The following ARID2 variants were observed in gnomAD, a reference collection of about 807,000 sequenced individuals.
The protein encoded by ARID2 is AT-rich interaction domain 2.
Under a neutral mutation model 184.6 loss-of-function variants are expected in ARID2, and 32 were observed. The ratio of observed to expected loss-of-function variants is 0.17; its 90% confidence interval spans 0.13 to 0.23. The LOEUF is 0.23. Ranked by LOEUF, ARID2 falls within the 10% of genes least tolerant of loss-of-function variation. ARID2 has a pLI of 1.00. For synonymous variants in ARID2, 836 were observed against 772.6 expected, an observed-to-expected ratio of 1.08 and a Z score of -1.36; for missense variants, 1,696 against 2,197.6, an observed-to-expected ratio of 0.77 and a Z score of 4.56.
intron 17 of ARID2, 22 bp downstream of exon 17, chr12:45,891,940 T>G (rs772283993): frequency 6.2e-7 from 1 of 1,614,006 alleles, no homozygotes; most frequent in Admixed American, 1.7e-5. Context: ...AAATACTATT[T>G]GATCAGTAAC....
chr12:45,848,690 T>A, intron 12 of ARID2, 146 bp from the exon 13 acceptor site: 1 of 529,572 alleles, frequency 1.9e-6, no homozygotes, highest in East Asian at 3.3e-5. Context: ...AGCATATATT[T>A]TTGCTACTAA....
At chr12:45,899,298 G>C (rs1447210554) in intron 20 of ARID2, among the ~76,000 whole-genome samples, 1 of 110,638 alleles carries the variant, frequency 9.0e-6, no homozygotes, top group Non-Finnish European at 1.9e-5. Flanking sequence ...AAAAAAAAAA[G>C]TAAGTGCTAC....
chr12:45,765,992 A>C (rs1245519554), intron 3 of ARID2, among the ~76,000 whole-genome samples: 1 of 152,186 alleles, frequency 6.6e-6, no homozygotes, highest in Non-Finnish European at 1.5e-5. Flanking sequence ...TTCATATAGC[A>C]AAGTTCATTT....
intron 16 of ARID2, 119 bp from the exon 17 acceptor site, chr12:45,891,661 A>AC: frequency 9.1e-7 from 1 of 1,097,820 alleles, no homozygotes; most frequent in Non-Finnish European, 1.3e-6. Context: ...AAAACAATTT[A>AC]CCAAAAGTGT....
At chr12:45,764,720 C>CTGT (rs1222196650) in intron 3 of ARID2, among the ~76,000 whole-genome samples, 2 of 152,130 alleles carry the variant, frequency 1.3e-5, no homozygotes, top group Middle Eastern at 3.2e-3. Flanking sequence ...AAGTAGTGTT[C>CTGT]TGTTGTGTGG....
intron 3 of ARID2, among the ~76,000 whole-genome samples, chr12:45,801,802 G>A (rs566039584): frequency 1.0e-3 from 153 of 152,080 alleles, no homozygotes; most frequent in African/African-American, 3.5e-3. Context: ...GGGGGTGGGG[G>A]ACAGAGAGAG....
chr12:45,869,095 C>T (rs1943876646), intron 16 of ARID2, among the ~76,000 whole-genome samples: 1 of 151,906 alleles, frequency 6.6e-6, no homozygotes, highest in Non-Finnish European at 1.5e-5. Context: ...TGTTGGCTCA[C>T]TGTAACCTTC....
At chr12:45,777,524 G>C (rs1942007748) in intron 3 of ARID2, among the ~76,000 whole-genome samples, 1 of 151,950 alleles carries the variant, frequency 6.6e-6, no homozygotes, top group Non-Finnish European at 1.5e-5. Flanking sequence ...TGCACAAGCA[G>C]TACATTAATA....
Position 45,786,280 on chromosome 12 carries a change from A to T in ARID2, c.285-25138A>T, listed in dbSNP as rs138948720. ...TCTAGCCCAATGTTAAGAATCCTTA[A>T]GAAAACTACATAGAACAGAAAGGGT... On this transcript the variant is annotated intron_variant, in intron 3 of 20. Transcript: ENST00000334344. 2.0e-5 allele frequency among the ~76,000 whole-genome samples: 3 copies of T among 152,350 alleles called. No individual in the cohort carries two copies. The East Asian group carries it at 5.8e-4, about 29-fold the overall frequency.
chr12:45,807,959 A>G (rs1417175164), intron 3 of ARID2, among the ~76,000 whole-genome samples: 1 of 152,080 alleles, frequency 6.6e-6, no homozygotes, highest in Non-Finnish European at 1.5e-5. Context: ...CCCCCATTAT[A>G]TTGGTCACAT....
At chr12:45,863,366 G>A (rs1943781528) in intron 16 of ARID2, among the ~76,000 whole-genome samples, 1 of 152,174 alleles carries the variant, frequency 6.6e-6, no homozygotes, top group Non-Finnish European at 1.5e-5. Flanking sequence ...ACATATATAT[G>A]ATAGCCATTG....
chr12:45,846,501 G>A (rs1309421684), intron 11 of ARID2, among the ~76,000 whole-genome samples: 1 of 152,064 alleles, frequency 6.6e-6, no homozygotes, highest in Non-Finnish European at 1.5e-5. Context: ...TTTCTTATCT[G>A]TACCTACCTC....
chr12:45,823,064 G>A (rs953714285), intron 6 of ARID2, among the ~76,000 whole-genome samples: 2 of 151,854 alleles, frequency 1.3e-5, no homozygotes, highest in African/African-American at 2.4e-5. Flanking sequence ...AGACCATATC[G>A]TATGCCACAA....
At chr12:45,770,388 G>C (rs948910688) in intron 3 of ARID2, among the ~76,000 whole-genome samples, 6 of 152,190 alleles carry the variant, frequency 3.9e-5, no homozygotes, top group African/African-American at 1.4e-4. Context: ...CAGGGTCACA[G>C]CAGGGGGGCA....
intron 16 of ARID2, among the ~76,000 whole-genome samples, chr12:45,889,496 T>A (rs1944256812): frequency 6.6e-6 from 1 of 152,202 alleles, no homozygotes; most frequent in Non-Finnish European, 1.5e-5. Context: ...TTTCTAGACA[T>A]GACAGTAAAT....
chr12:45,861,212 A>G (rs7303119), intron 16 of ARID2, among the ~76,000 whole-genome samples: 14,216 of 152,262 alleles, frequency 0.093, 2,267 homozygotes, highest in African/African-American at 0.32. Flanking sequence ...AAAATCAATT[A>G]AGAATTTAAT....
At chr12:45,757,205 AGTAG>A (rs1422899250) in intron 3 of ARID2, among the ~76,000 whole-genome samples, 5 of 152,218 alleles carry the variant, frequency 3.3e-5, no homozygotes, top group Non-Finnish European at 7.3e-5. Flanking sequence ...CAAACTGTTA[AGTAG>A]GTGGACTGTG....
At chr12:45,859,890 C>T (rs1426502831) in intron 15 of ARID2, among the ~76,000 whole-genome samples, 3 of 152,124 alleles carry the variant, frequency 2.0e-5, no homozygotes, top group Non-Finnish European at 2.9e-5. Flanking sequence ...CCTGCCACCA[C>T]GCCTGGCTAA....
In ARID2 at chr12:45,785,501, A is replaced by G. The variant is rs564333615; in HGVS notation, c.285-25917A>G. On this transcript the variant is annotated intron_variant, in intron 3 of 20. Coordinates refer to ENST00000334344, the MANE Select transcript of ARID2 (RefSeq NM_152641.4). Reference sequence around the variant, plus strand: ...TTATGTGGTAGTGAAAGAGCAATGAACTATGATTTAGAAGGCCTAAGTACA... The same window carrying G: ...TTATGTGGTAGTGAAAGAGCAATGAGCTATGATTTAGAAGGCCTAAGTACA... Among the ~76,000 whole-genome samples the G allele has an allele frequency of 3.9e-5, 6 of 152,284 alleles. No individual in the cohort carries two copies. In the South Asian group the frequency reaches 1.2e-3, roughly 32 times the overall value.
Sources: allele counts gnomAD v4.1 joint callset (sites outside exome capture counted in the v4.1 genomes callset), GRCh38; gene constraint gnomAD v4.1.1; transcripts MANE v1.5; gene names NCBI Gene and HGNC (gene_info 2026-07-23, HGNC 2026-07-21).